The following MPHOSPH6 variants were observed in gnomAD, a reference collection of about 807,000 sequenced individuals.
MPHOSPH6 encodes M-phase phosphoprotein 6.
MPHOSPH6 carries 25 observed loss-of-function variants against 21.8 expected under a neutral mutation model. That is an observed-to-expected ratio of 1.15 (90% CI 0.83 to 1.60). MPHOSPH6 has a LOEUF of 1.60. MPHOSPH6 is among the 40% of genes most tolerant of loss of function. MPHOSPH6 has a pLI of 0.00. For missense variants in MPHOSPH6, 269 were observed against 181.8 expected (o/e 1.48, Z -2.76); for synonymous variants, 84 against 56.5 (o/e 1.49, Z -2.18).
At chr16:82,160,596 T>C (rs1906577003) in intron 2 of MPHOSPH6, among the ~76,000 whole-genome samples, 1 of 152,204 alleles carries the variant, frequency 6.6e-6, no homozygotes, top group South Asian at 2.1e-4. Flanking sequence ...AAGGCAAGTC[T>C]GCTTGTGGTC....
At chr16:82,159,112 T>C (rs964643280) in intron 2 of MPHOSPH6, among the ~76,000 whole-genome samples, 3 of 152,226 alleles carry the variant, frequency 2.0e-5, no homozygotes, top group Admixed American at 2.0e-4. Context: ...TTTTCAACTG[T>C]ATCACCTGTG....
chr16:82,159,675 G>A (rs1906545634), intron 2 of MPHOSPH6, among the ~76,000 whole-genome samples: 2 of 152,106 alleles, frequency 1.3e-5, no homozygotes, highest in African/African-American at 4.8e-5. Flanking sequence ...CAAAGTGCTG[G>A]GATTACAGGT....
chr16:82,165,565 T>C (rs1803027871), intron 1 of MPHOSPH6, among the ~76,000 whole-genome samples: 1 of 152,198 alleles, frequency 6.6e-6, no homozygotes, highest in Admixed American at 6.5e-5. Context: ...TGCAAAATGA[T>C]GTTTGGTCGA....
At chr16:82,168,356 T>G (rs1468025817) in intron 1 of MPHOSPH6, among the ~76,000 whole-genome samples, 1 of 152,198 alleles carries the variant, frequency 6.6e-6, no homozygotes, top group Non-Finnish European at 1.5e-5. Flanking sequence ...TGAAAGTGCT[T>G]GACAAACTCT....
Position 82,148,661 on chromosome 16 carries a change from T to C in MPHOSPH6, c.*70A>G, listed in dbSNP as rs891860575. 50 of 1,561,406 alleles carry C rather than the reference T, an allele frequency of 3.2e-5. No individual in the cohort carries two copies. The East Asian group carries it at 3.4e-4, about 11-fold the overall frequency. ...AGTATTAATAACTATAGAGACACCATTGGGATGAGCTCCAGATGCCCTGCT... is the reference window on the plus strand; with the variant it reads ...AGTATTAATAACTATAGAGACACCACTGGGATGAGCTCCAGATGCCCTGCT... On this transcript the variant is annotated 3_prime_UTR_variant, in exon 5 of 5. Transcript: ENST00000258169.
intron 2 of MPHOSPH6, among the ~76,000 whole-genome samples, chr16:82,160,275 G>A (rs1268096813): frequency 5.3e-5 from 8 of 152,080 alleles, no homozygotes; most frequent in Non-Finnish European, 1.5e-5. Context: ...TCATTAATGA[G>A]GATAATTTTC....
chr16:82,170,150 A>G lies in MPHOSPH6; in HGVS notation c.26T>C (p.Leu9Ser). ...CTTCATGCGCAGTAGATTCTTGGACAACCTTGTCTTTCGCTCGGCCGCCAT... is the reference window on the plus strand; with the variant it reads ...CTTCATGCGCAGTAGATTCTTGGACGACCTTGTCTTTCGCTCGGCCGCCAT... MAAERKTR[L>S]SKNLLRMKFM... The change falls in exon 1 of 5, where the codon TTG (leucine) becomes TCG (serine). Residue 9 changes from leucine (L) to serine (S), a missense_variant. Transcript: ENST00000258169. The G allele has an allele frequency of 6.3e-7, 1 of 1,596,328 alleles. No individual in the cohort carries two copies. Among genetic ancestry groups the G allele is most frequent in the Non-Finnish European group, 8.5e-7 (1 of 1,171,490 alleles).
chr16:82,154,471 C>T lies in MPHOSPH6; in HGVS notation c.165-2957G>A, dbSNP rs138477022. On this transcript the variant is annotated intron_variant, in intron 2 of 4. Coordinates refer to ENST00000258169, the MANE Select transcript of MPHOSPH6 (RefSeq NM_005792.2). The stretch of plus-strand genomic sequence containing the variant: ...CAAGGAAGCAAGAAAATGTAATCCC[C>T]TCATAGAAAGAAAGAAAACAACTGA... Among the ~76,000 whole-genome samples, 203 of 152,048 alleles carry T rather than the reference C, an allele frequency of 1.3e-3. 1 individual carries two copies. Among genetic ancestry groups the T allele is most frequent in the African/African-American group, 4.6e-3 (190 of 41,478 alleles).
At chr16:82,155,143 T>C (rs1329906998) in intron 2 of MPHOSPH6, among the ~76,000 whole-genome samples, 2 of 152,220 alleles carry the variant, frequency 1.3e-5, no homozygotes, top group Non-Finnish European at 2.9e-5. Context: ...TTCAACATCA[T>C]TTATGATGAA....
At chr16:82,170,012 A>T in intron 1 of MPHOSPH6, 113 bp downstream of exon 1, 1 of 1,173,684 alleles carries the variant, frequency 8.5e-7, no homozygotes, top group Admixed American at 3.0e-5. Flanking sequence ...GAGAGCTGGA[A>T]GCCCTCTGAG....
intron 2 of MPHOSPH6, among the ~76,000 whole-genome samples, chr16:82,157,157 A>T (rs891851256): frequency 6.6e-6 from 1 of 152,240 alleles, no homozygotes; most frequent in African/African-American, 2.4e-5. Context: ...AAAAACCACA[A>T]TGAGATGCCA....
chr16:82,149,518 A>G, intron 3 of MPHOSPH6, 115 bp from the exon 4 acceptor site: 1 of 856,836 alleles, frequency 1.2e-6, no homozygotes, highest in Non-Finnish European at 1.9e-6. Context: ...GAACTAGTCA[A>G]AATTGATAAG....
chr16:82,156,234 C>T (rs1161983750), intron 2 of MPHOSPH6, among the ~76,000 whole-genome samples: 1 of 152,004 alleles, frequency 6.6e-6, no homozygotes, highest in South Asian at 2.1e-4. Flanking sequence ...TAAATAACTC[C>T]TACATGCACA....
chr16:82,163,230 G>C (rs930087501), intron 2 of MPHOSPH6, among the ~76,000 whole-genome samples: 2 of 152,174 alleles, frequency 1.3e-5, no homozygotes, highest in African/African-American at 4.8e-5. Flanking sequence ...TGTGCCTCAA[G>C]ACAGTAAGCA....
At chr16:82,149,228 A>T in intron 4 of MPHOSPH6, 81 bp downstream of exon 4, 1 of 1,407,066 alleles carries the variant, frequency 7.1e-7, no homozygotes, top group South Asian at 1.1e-5. Flanking sequence ...GCTGCCGTGC[A>T]CTGTGGGGTA....
chr16:82,164,910 C>G (rs1234682057), intron 1 of MPHOSPH6: 1 of 152,172 alleles, frequency 6.6e-6, no homozygotes, highest in African/African-American at 2.4e-5. Flanking sequence ...GTCCTGCTGC[C>G]AGTCTCTCAC....
At position 82,170,092 on chromosome 16, in the gene MPHOSPH6, C is replaced by G. The variant is rs530623567; in HGVS notation, c.51+33G>C. On this transcript the variant is annotated intron_variant, in intron 1 of 4. Coordinates refer to ENST00000258169, the MANE Select transcript of MPHOSPH6 (RefSeq NM_005792.2). ...AGGTTGGAAGGACCGGGTGCCCCTA[C>G]CGCCCGGAGTGGCGCTCTCAGCGTC... The G allele has an allele frequency of 2.5e-6, 4 of 1,577,966 alleles. No individual in the cohort carries two copies. The Admixed American group carries it at 7.2e-5, about 28-fold the overall frequency.
chr16:82,157,249 A>G (rs1177993831), intron 2 of MPHOSPH6, among the ~76,000 whole-genome samples: 4 of 152,212 alleles, frequency 2.6e-5, no homozygotes, highest in Non-Finnish European at 4.4e-5. Flanking sequence ...ACACTTCTCT[A>G]TTAATGTCCA....
chr16:82,159,425 G>A (rs1906535434), intron 2 of MPHOSPH6, among the ~76,000 whole-genome samples: 1 of 151,030 alleles, frequency 6.6e-6, no homozygotes, highest in African/African-American at 2.4e-5. Context: ...TTTTTTTTGA[G>A]ATGGAGTCTC....
Sources: allele counts gnomAD v4.1 joint callset (sites outside exome capture counted in the v4.1 genomes callset), GRCh38; gene constraint gnomAD v4.1.1; transcripts MANE v1.5; gene names NCBI Gene and HGNC (gene_info 2026-07-23, HGNC 2026-07-21).